CAMKK2: variants seen among roughly 807,000 people sequenced by gnomAD.
CAMKK2 encodes the protein calcium/calmodulin dependent protein kinase kinase 2, also known as calcium/calmodulin-dependent protein kinase kinase 2.
Under a neutral mutation model 67.2 loss-of-function variants are expected in CAMKK2, and 30 were observed. The observed-to-expected ratio is 0.45, with a 90% CI of 0.33 to 0.61. The LOEUF (loss-of-function observed/expected upper bound fraction) is 0.61, where lower values mean the gene tolerates loss of function less well. CAMKK2 is among the 20% of genes least tolerant of loss of function. CAMKK2 has a pLI of 0.02. For synonymous variants in CAMKK2, 322 were observed against 326.2 expected (o/e 0.99, Z 0.14); for missense variants, 643 against 802.0 (o/e 0.80, Z 2.39).
chr12:121,273,404 G>T (rs1896145696), intron 2 of CAMKK2, among the ~76,000 whole-genome samples: 1 of 152,094 alleles, frequency 6.6e-6, no homozygotes, highest in Non-Finnish European at 1.5e-5. Context: ...GGAGGGATGG[G>T]AAAGGGTCAG....
At chr12:121,260,724 G>A (rs1442241130) in intron 6 of CAMKK2, among the ~76,000 whole-genome samples, 3 of 152,060 alleles carry the variant, frequency 2.0e-5, no homozygotes, top group South Asian at 2.1e-4. Context: ...AGGCCGAGGC[G>A]GGCGGATCAC....
At chr12:121,246,737 G>T (rs1325513521) in intron 14 of CAMKK2, among the ~76,000 whole-genome samples, 2 of 151,962 alleles carry the variant, frequency 1.3e-5, no homozygotes, top group African/African-American at 4.8e-5. Context: ...CCCAGCCCTT[G>T]CATCTCTCTG....
At chr12:121,279,626 C>T (rs538822545) in intron 1 of CAMKK2, among the ~76,000 whole-genome samples, 29 of 152,292 alleles carry the variant, frequency 1.9e-4, no homozygotes, top group African/African-American at 6.5e-4. Context: ...TTCCAGAGGG[C>T]GGAGCGTGAG....
intron 1 of CAMKK2, among the ~76,000 whole-genome samples, chr12:121,291,322 C>T (rs117891158): frequency 0.011 from 1,649 of 152,276 alleles, 20 homozygotes; most frequent in Non-Finnish European, 0.016. Flanking sequence ...TACAGAGACA[C>T]GGGAATGGAC....
chr12:121,263,126 C>A (rs143253894), intron 6 of CAMKK2, among the ~76,000 whole-genome samples: 1 of 152,102 alleles, frequency 6.6e-6, no homozygotes, highest in Non-Finnish European at 1.5e-5. Flanking sequence ...CCCGCCACCA[C>A]GCCCAGCTAA....
intron 14 of CAMKK2, among the ~76,000 whole-genome samples, chr12:121,247,735 T>G (rs900284831): frequency 1.3e-5 from 2 of 151,848 alleles, no homozygotes; most frequent in Non-Finnish European, 2.9e-5. Flanking sequence ...AGAAGAGAGG[T>G]GCAAAGCTGG....
intron 16 of CAMKK2, chr12:121,243,698 G>A (rs916063508): frequency 1.6e-5 from 4 of 245,706 alleles, no homozygotes; most frequent in South Asian, 7.6e-5. Context: ...AGTGTAGGGT[G>A]TCTTCTTGGG....
chr12:121,242,485 C>T (rs1888566552), intron 16 of CAMKK2, among the ~76,000 whole-genome samples: 1 of 152,288 alleles, frequency 6.6e-6, no homozygotes, highest in Non-Finnish European at 1.5e-5. Context: ...AAGGCCAGCC[C>T]GCTGGGTTTC....
upstream of CAMKK2, chr12:121,297,193 G>T (rs1024552873): frequency 1.2e-5 from 2 of 162,000 alleles, no homozygotes; most frequent in Non-Finnish European, 2.7e-5. Flanking sequence ...TGCCGGGGCT[G>T]CAGGGCGCCT....
intron 1 of CAMKK2, among the ~76,000 whole-genome samples, chr12:121,284,284 A>G (rs1346430516): frequency 1.3e-5 from 2 of 152,228 alleles, no homozygotes; most frequent in African/African-American, 4.8e-5. Context: ...GCAGGGCGAC[A>G]ATTGGGCTGA....
intron 9 of CAMKK2, among the ~76,000 whole-genome samples, chr12:121,254,146 T>C (rs1891359228): frequency 6.6e-6 from 1 of 152,082 alleles, no homozygotes; most frequent in South Asian, 2.1e-4. Flanking sequence ...AACCATCCTA[T>C]GTGACAGGCA....
chr12:121,272,880 A>G (rs1157118182), intron 2 of CAMKK2, among the ~76,000 whole-genome samples: 1 of 151,850 alleles, frequency 6.6e-6, no homozygotes, highest in Non-Finnish European at 1.5e-5. Flanking sequence ...CTCAACAACA[A>G]CAACAAAAAA....
intron 14 of CAMKK2, among the ~76,000 whole-genome samples, chr12:121,247,083 C>G (rs1159015394): frequency 6.6e-6 from 1 of 152,108 alleles, no homozygotes; most frequent in Non-Finnish European, 1.5e-5. Context: ...CCTCCCTCCA[C>G]CTTCCTTGCC....
intron 7 of CAMKK2, among the ~76,000 whole-genome samples, chr12:121,258,842 A>ATTT (rs63519464): frequency 1.5e-5 from 2 of 129,590 alleles, no homozygotes; most frequent in Non-Finnish European, 3.3e-5. Flanking sequence ...GTCAAAGCCA[A>ATTT]TTTTTTTTTT....
chr12:121,297,303 G>A, upstream of CAMKK2: 2 of 258,078 alleles, frequency 7.7e-6, no homozygotes, highest in South Asian at 7.8e-5. Flanking sequence ...GCCGGGCGGT[G>A]GATGCGGCCT....
chr12:121,279,277 G>A (rs1897317460), intron 1 of CAMKK2, among the ~76,000 whole-genome samples: 1 of 152,288 alleles, frequency 6.6e-6, no homozygotes, highest in African/African-American at 2.4e-5. Flanking sequence ...GCGCTGGCAG[G>A]GCAAGCGTGA....
chr12:121,247,121 T>C (rs1889639814), intron 14 of CAMKK2, among the ~76,000 whole-genome samples: 1 of 150,824 alleles, frequency 6.6e-6, no homozygotes, highest in African/African-American at 2.5e-5. Flanking sequence ...CCCAGTGTGT[T>C]AGCCCGTCCG....
chr12:121,251,683 C>T (rs182550863), intron 11 of CAMKK2, among the ~76,000 whole-genome samples: 9 of 151,872 alleles, frequency 5.9e-5, no homozygotes, highest in East Asian at 1.9e-4. Flanking sequence ...AAAAATTAGC[C>T]GGGTGTGGTG....
At chr12:121,295,570 G>T (rs1304294253) in intron 1 of CAMKK2, among the ~76,000 whole-genome samples, 1 of 152,146 alleles carries the variant, frequency 6.6e-6, no homozygotes, top group African/African-American at 2.4e-5. Context: ...TAGGGGAGGG[G>T]GAGTGGTAAA....
Sources: gnomAD v4.1 joint callset for allele counts (sites outside exome capture counted in the v4.1 genomes callset) on GRCh38, gnomAD v4.1.1 for gene constraint, MANE v1.5 for transcripts, NCBI Gene and HGNC (gene_info 2026-07-23, HGNC 2026-07-21) for gene names.